The following LRP2 variants were observed in gnomAD, a reference collection of about 807,000 sequenced individuals.
The protein encoded by LRP2 is low-density lipoprotein receptor-related protein 2.
A neutral mutation model predicts 531.0 loss-of-function variants in LRP2; 172 were observed. That is an observed-to-expected ratio of 0.32 (90% CI 0.29 to 0.37). The LOEUF is 0.37. LRP2 is among the 10% of genes least tolerant of loss of function. The pLI is 1.00. For synonymous variants in LRP2, 1,992 were observed against 2,027.6 expected (o/e 0.98, Z 0.47); for missense variants, 5,167 against 5,868.3 (o/e 0.88, Z 3.90).
chr2:169,327,345 T>C (rs1259682492), intron 1 of LRP2, among the ~76,000 whole-genome samples: 4 of 122,180 alleles, frequency 3.3e-5, no homozygotes, highest in Non-Finnish European at 6.9e-5. Flanking sequence ...AGCCGCCCCA[T>C]CCGGGAGGTG....
intron 58 of LRP2, among the ~76,000 whole-genome samples, chr2:169,171,691 C>T (rs890307819): frequency 6.6e-6 from 1 of 152,148 alleles, no homozygotes; most frequent in African/African-American, 2.4e-5. Context: ...TTCTATTTAT[C>T]TTATTACATT....
rs763193608 is a variant in LRP2 at position 169,188,121 on chromosome 2, G to T, written c.9177C>A (p.Asp3059Glu). 2 of 1,614,092 alleles carry T rather than the reference G, an allele frequency of 1.2e-6. No individual in the cohort carries two copies. The highest frequency in any genetic ancestry group is 1.7e-6 in the Non-Finnish European group (2 of 1,180,020). ...ACAGGTGCATCAGCTCATCAGATCC[G>T]TCTCCACAGTCATTATCCTCATCAC... ...FVCDEDNDCG[D>E]GSDELMHLCH... is the part of the protein sequence containing the mutation. The change falls in exon 49 of 79, where the codon GAC (aspartate) becomes GAA (glutamate). Residue 3059 changes from aspartate (D) to glutamate (E), a missense_variant. By Grantham distance (45) the Asp-to-Glu change is conservative. Coordinates refer to ENST00000649046, the MANE Select transcript of LRP2 (RefSeq NM_004525.3).
At position 169,204,052 on chromosome 2, in the gene LRP2, C is replaced by A. The variant is rs765920322; in HGVS notation, c.7935G>T (p.Lys2645Asn). 3.1e-6 allele frequency: 5 copies of A among 1,614,168 alleles called. No individual in the cohort carries two copies. The highest frequency in any genetic ancestry group is 4.2e-6 in the Non-Finnish European group (5 of 1,179,986). ...GATTGTTACACTGTTGTTTCTGGTT[C>A]TTCACAACAGTGTTGATTCCCCTGG... ...SQPRGINTVV[K>N]NQKQQCNNPC... Residue 2645 changes from lysine (K) to asparagine (N), a missense_variant, in exon 42 of 79, where the codon AAG becomes AAT. Coordinates refer to ENST00000649046, the MANE Select transcript of LRP2 (RefSeq NM_004525.3).
intron 42 of LRP2, 127 bp from the exon 43 acceptor site, chr2:169,203,086 G>A (rs999512104): frequency 1.4e-5 from 11 of 767,212 alleles, no homozygotes; most frequent in African/African-American, 1.4e-4. Flanking sequence ...TGGAAGTTCT[G>A]CCCATTAACC....
intron 16 of LRP2, among the ~76,000 whole-genome samples, chr2:169,264,441 G>A (rs184338228): frequency 9.2e-5 from 14 of 151,998 alleles, no homozygotes; most frequent in African/African-American, 2.7e-4. Context: ...AACTAAGCTC[G>A]ACTGCAGTGC....
At chr2:169,135,070 C>T (rs954479395) in intron 76 of LRP2, among the ~76,000 whole-genome samples, 4 of 152,170 alleles carry the variant, frequency 2.6e-5, no homozygotes, top group Non-Finnish European at 5.9e-5. Context: ...AAAATATCTC[C>T]TTCCAGCCTC....
chr2:169,318,456 A>G (rs1684825169), intron 3 of LRP2, among the ~76,000 whole-genome samples: 1 of 152,198 alleles, frequency 6.6e-6, no homozygotes, highest in African/African-American at 2.4e-5. Flanking sequence ...AACCACACAC[A>G]TGAAGACACC....
At chr2:169,207,769 C>T (rs1471540248) in intron 38 of LRP2, among the ~76,000 whole-genome samples, 2 of 152,164 alleles carry the variant, frequency 1.3e-5, no homozygotes, top group Non-Finnish European at 2.9e-5. Context: ...GTGTTTTCAT[C>T]CCATGGACCT....
At chr2:169,280,054 T>C (rs756481397) in intron 11 of LRP2, among the ~76,000 whole-genome samples, 29 of 152,244 alleles carry the variant, frequency 1.9e-4, no homozygotes, top group Non-Finnish European at 4.4e-5. Context: ...CAAAAATTAC[T>C]ACCAAATATC....
chr2:169,205,745 A>G, intron 40 of LRP2, 108 bp from the exon 41 acceptor site: 2 of 1,148,584 alleles, frequency 1.7e-6, no homozygotes, highest in Non-Finnish European at 2.6e-6. Flanking sequence ...GTAACATGGC[A>G]AAAGAAACTT....
At position 169,336,261 on chromosome 2, in the gene LRP2, G is replaced by A. The variant is rs193064161; in HGVS notation, c.80-15377C>T. ...CCCTGCAAACGAAGGAATGAGGCCA[G>A]GCGCAGTGGCTCATGCCTGTAATCC... On this transcript the variant is annotated intron_variant, in intron 1 of 78. Transcript: ENST00000649046. Among the ~76,000 whole-genome samples, 62 of 152,066 alleles carry A rather than the reference G, an allele frequency of 4.1e-4. No homozygotes were observed. In the East Asian group the frequency reaches 7.8e-3, roughly 19 times the overall value.
chr2:169,194,789 C>T (rs1006670848), intron 46 of LRP2, among the ~76,000 whole-genome samples: 2 of 143,580 alleles, frequency 1.4e-5, no homozygotes, highest in Non-Finnish European at 3.0e-5. Context: ...GGTGCGATCT[C>T]GGCTCACTGC....
Position 169,128,598 on chromosome 2 carries a change from ATC to A in LRP2, c.*63_*64del, listed in dbSNP as rs1260923686. ...AAAGTACTGAATGTTAACTTTTTTCATCTGTTTGTAAAAAATATATGTGCAAA... is the reference window on the plus strand; with the variant it reads ...AAAGTACTGAATGTTAACTTTTTTCATGTTTGTAAAAAATATATGTGCAAA... On this transcript the variant is annotated 3_prime_UTR_variant, in exon 79 of 79. Transcript: ENST00000649046. The A allele has an allele frequency of 2.0e-6, 3 of 1,498,108 alleles. No homozygotes were observed. The highest frequency in any genetic ancestry group is 1.1e-5 in the South Asian group (1 of 87,714). 92.8% of individuals were successfully genotyped at this position (1,498,108 alleles called of 1,614,324 possible).
chr2:169,202,001 T>C, intron 43 of LRP2, 131 bp from the exon 44 acceptor site: 1 of 1,111,038 alleles, frequency 9.0e-7, no homozygotes. Flanking sequence ...CAAAATGGAC[T>C]GCATGCAAAG....
rs377251154 is a variant in LRP2 at position 169,266,198 on chromosome 2, A to G, written c.2320+4706T>C. ...GGAGAATGGGGGGAGGGAAGTCAGA[A>G]GCTGGGAGAGAAGAATGATGTAAGA... is the stretch of plus-strand genomic sequence containing the variant. On this transcript the variant is annotated intron_variant, in intron 16 of 78. Transcript: ENST00000649046. Among the ~76,000 whole-genome samples, 5 of 152,042 alleles carry G rather than the reference A, an allele frequency of 3.3e-5. No homozygotes were observed. The East Asian group carries it at 9.7e-4, about 29-fold the overall frequency.
intron 71 of LRP2, among the ~76,000 whole-genome samples, chr2:169,141,858 A>G (rs1685730623): frequency 6.6e-6 from 1 of 152,146 alleles, no homozygotes; most frequent in African/African-American, 2.4e-5. Flanking sequence ...GGTGACAAGA[A>G]ACAGTTTTTT....
At chr2:169,222,171 C>T (rs1689042785) in intron 33 of LRP2, among the ~76,000 whole-genome samples, 1 of 152,174 alleles carries the variant, frequency 6.6e-6, no homozygotes, top group South Asian at 2.1e-4. Flanking sequence ...TAAGGGGAAA[C>T]ACCAGTTAAA....
At chr2:169,266,756 T>C (rs186563538) in intron 16 of LRP2, among the ~76,000 whole-genome samples, 1 of 152,240 alleles carries the variant, frequency 6.6e-6, no homozygotes, top group East Asian at 1.9e-4. Context: ...TCTTCCCCTT[T>C]AATCAATCTG....
In LRP2 at chr2:169,155,500, G is replaced by T. The variant is rs114644593; in HGVS notation, c.12151+774C>A. Reference sequence around the variant, plus strand: ...TCAATTTGTATGAAGAAATTGAACAGCCATTTTGGCCATTTACTCTTAATT... The same window carrying T: ...TCAATTTGTATGAAGAAATTGAACATCCATTTTGGCCATTTACTCTTAATT... On this transcript the variant is annotated intron_variant, in intron 65 of 78. Transcript: ENST00000649046. Among the ~76,000 whole-genome samples the T allele has an allele frequency of 3.4e-3, 513 of 152,222 alleles. 4 individuals carry two copies. The highest frequency in any genetic ancestry group is 0.012 in the African/African-American group (480 of 41,542).
Sources: gnomAD v4.1 joint callset for allele counts (sites outside exome capture counted in the v4.1 genomes callset) on GRCh38, gnomAD v4.1.1 for gene constraint, MANE v1.5 for transcripts, NCBI Gene and HGNC (gene_info 2026-07-23, HGNC 2026-07-21) for gene names.